MSL2: variants seen among roughly 807,000 people sequenced by gnomAD.
MSL2 encodes E3 ubiquitin-protein ligase MSL2.
In MSL2, 2 loss-of-function variants were observed where a neutral mutation model predicts 35.8. The observed-to-expected ratio is 0.06, with a 90% CI of 0.02 to 0.18. The LOEUF is 0.18. Among genes scored for constraint, MSL2 ranks in the 10% least tolerant of loss-of-function variants. The pLI, the probability that MSL2 is intolerant of heterozygous loss-of-function variation, is 1.00. For synonymous variants in MSL2, 296 were observed against 255.7 expected, an observed-to-expected ratio of 1.16 and a Z score of -1.50; for missense variants, 523 against 706.7, an observed-to-expected ratio of 0.74 and a Z score of 2.95.
rs536479389 is a variant in MSL2, at chr3:136,195,648, G to C, written c.-535C>G. On this transcript the variant is annotated 5_prime_UTR_variant, in exon 1 of 2. Transcript: ENST00000309993. ...GACGACGGTCGGGCAGCGGCTTCCC[G>C]GATCTAGTGCAAGACGCCGCGGCGG... 2.4e-4 allele frequency: 236 copies of C among 980,426 alleles called. 2 individuals are homozygous for C. The African/African-American group carries it at 3.7e-3, about 15-fold the overall frequency. The allele number at this position is 980,426 out of a possible 1,614,324, so 60.7% of individuals were successfully genotyped here. A position where few individuals can be genotyped will look rare whatever the true frequency, so the allele number is the denominator to read the frequency against.
rs1368989392 is a variant in MSL2, at chr3:136,151,682, G to T, written c.1199C>A (p.Thr400Asn). 6.2e-7 allele frequency: 1 copy of T among 1,614,150 alleles called. No individual in the cohort carries two copies. Among genetic ancestry groups the T allele is most frequent in the Non-Finnish European group, 8.5e-7 (1 of 1,180,032 alleles). Residue 400 changes from threonine (T) to asparagine (N), a missense_variant, in exon 2 of 2, where the codon ACT becomes AAT. Thr to Asn is a moderately conservative substitution (Grantham distance 65). Transcript: ENST00000309993. This position sits in a 1 kb window ranked among gnomAD's most constrained non-coding sequence, Gnocchi z 5.2. ...CATGCTTTTAGTAGATAAAAGTACA[G>T]TTTTGCTGATTTTAGGTGTTGTGCC... ...NGGTTPKISKTVLLSTKSMKK... is the reference protein window; with the variant it reads ...NGGTTPKISKNVLLSTKSMKK...
intron 1 of MSL2, among the ~76,000 whole-genome samples, chr3:136,192,624 G>A (rs986684584): frequency 5.4e-4 from 82 of 151,868 alleles, no homozygotes; most frequent in Non-Finnish European, 2.8e-4. Context: ...ATGTTTGAAA[G>A]GACAAAAATA....
chr3:136,193,762 G>C (rs922267783), intron 1 of MSL2, among the ~76,000 whole-genome samples: 1 of 152,024 alleles, frequency 6.6e-6, no homozygotes, highest in African/African-American at 2.4e-5. Flanking sequence ...GATTTGCCCT[G>C]GGCGACTATT....
At chr3:136,190,530 A>C (rs1026261661) in intron 1 of MSL2, among the ~76,000 whole-genome samples, 9 of 150,590 alleles carry the variant, frequency 6.0e-5, no homozygotes, top group African/African-American at 2.2e-4. Flanking sequence ...GGGTGACAAA[A>C]CAAGATTGTC....
At chr3:136,183,475 T>A (rs1940425774) in intron 1 of MSL2, among the ~76,000 whole-genome samples, 1 of 151,934 alleles carries the variant, frequency 6.6e-6, no homozygotes, top group Admixed American at 6.6e-5. Context: ...CAGGCTGGAG[T>A]GCAGTGGCAC....
At chr3:136,173,983 ATTC>A (rs1940099973) in intron 1 of MSL2, among the ~76,000 whole-genome samples, 1 of 152,140 alleles carries the variant, frequency 6.6e-6, no homozygotes, top group Non-Finnish European at 1.5e-5. Context: ...TGCATGGTCA[ATTC>A]TTCTTCAAAA....
intron 1 of MSL2, among the ~76,000 whole-genome samples, chr3:136,189,023 G>A (rs760532410): frequency 7.5e-6 from 1 of 133,830 alleles, no homozygotes; most frequent in Non-Finnish European, 1.5e-5. Context: ...AAATATTTTA[G>A]AACTTTTATA....
rs772429156 is a variant in MSL2 at position 136,164,793 on chromosome 3, G to A, written c.143-12055C>T. Among the ~76,000 whole-genome samples, 13 of 152,238 alleles carry A rather than the reference G, an allele frequency of 8.5e-5. No homozygotes were observed. The South Asian group carries it at 2.1e-3, about 24-fold the overall frequency. On this transcript the variant is annotated intron_variant, in intron 1 of 1. Transcript: ENST00000309993. Reference sequence around the variant, plus strand: ...CCTATAAAAACTGTGGAGTGTTTAAGGAAAGGTTTGATTTAGCATAGATCG... The same window carrying A: ...CCTATAAAAACTGTGGAGTGTTTAAAGAAAGGTTTGATTTAGCATAGATCG...
At chr3:136,183,952 T>C (rs957916047) in intron 1 of MSL2, among the ~76,000 whole-genome samples, 1 of 152,232 alleles carries the variant, frequency 6.6e-6, no homozygotes, top group Non-Finnish European at 1.5e-5. Flanking sequence ...TCCTGACTCT[T>C]ATCCAGGTAA....
Position 136,150,600 on chromosome 3 carries a change from T to A in MSL2, c.*547A>T, listed in dbSNP as rs1939331848. On this transcript the variant is annotated 3_prime_UTR_variant, in exon 2 of 2. Transcript: ENST00000309993. ...AATTTTTTTTCATAATACTGCTGATTTAAGAACTGCTACATACACCAGTAG... is the reference window on the plus strand; with the variant it reads ...AATTTTTTTTCATAATACTGCTGATATAAGAACTGCTACATACACCAGTAG... 1.3e-5 allele frequency: 2 copies of A among 152,810 alleles called. No homozygotes were observed. The allele number at this position is 152,810 out of a possible 1,614,324, so 9.5% of individuals were successfully genotyped here.
At chr3:136,169,429 T>C (rs1232972208) in intron 1 of MSL2, among the ~76,000 whole-genome samples, 8 of 152,072 alleles carry the variant, frequency 5.3e-5, no homozygotes, top group East Asian at 1.9e-4. Flanking sequence ...ACTCCTATTA[T>C]TGGTTTTGGT....
At chr3:136,170,591 T>C (rs1939999031) in intron 1 of MSL2, among the ~76,000 whole-genome samples, 1 of 141,082 alleles carries the variant, frequency 7.1e-6, no homozygotes, top group African/African-American at 2.6e-5. Context: ...CTCGGCTCAC[T>C]GCTGCCTCCT....
At chr3:136,156,844 G>A (rs1939542268) in intron 1 of MSL2, among the ~76,000 whole-genome samples, 1 of 152,148 alleles carries the variant, frequency 6.6e-6, no homozygotes, top group African/African-American at 2.4e-5. Context: ...GACAGAGCCA[G>A]ACTCCATCTC....
intron 1 of MSL2, among the ~76,000 whole-genome samples, chr3:136,167,676 G>A (rs1240695936): frequency 6.6e-6 from 1 of 152,098 alleles, no homozygotes; most frequent in Non-Finnish European, 1.5e-5. Flanking sequence ...ACACATGCAG[G>A]TGATTTATAA....
At chr3:136,180,849 G>A (rs1435676644) in intron 1 of MSL2, among the ~76,000 whole-genome samples, 1 of 148,234 alleles carries the variant, frequency 6.7e-6, no homozygotes, top group Admixed American at 6.8e-5. Context: ...AAGGAAGGAA[G>A]GAAAAAGGAG....
intron 1 of MSL2, chr3:136,194,690 C>T: frequency 2.7e-6 from 1 of 370,874 alleles, no homozygotes; most frequent in Non-Finnish European, 4.7e-6. Context: ...CTTGTGCATG[C>T]ATCTTACCCC....
chr3:136,178,899 C>T (rs1244620384), intron 1 of MSL2, among the ~76,000 whole-genome samples: 4 of 151,402 alleles, frequency 2.6e-5, no homozygotes, highest in Non-Finnish European at 2.9e-5. Flanking sequence ...TACCATCAAA[C>T]GGTTATTACC....
At chr3:136,188,283 A>C (rs966875506) in intron 1 of MSL2, among the ~76,000 whole-genome samples, 5 of 147,660 alleles carry the variant, frequency 3.4e-5, no homozygotes, top group African/African-American at 1.3e-4. Flanking sequence ...AAAATACACT[A>C]ATTAGCTAGG....
intron 1 of MSL2, among the ~76,000 whole-genome samples, chr3:136,167,931 T>G (rs899937352): frequency 1.3e-5 from 2 of 151,950 alleles, no homozygotes; most frequent in African/African-American, 4.8e-5. Flanking sequence ...CAGGAAACAG[T>G]TTTCCGCTTT....
Sources: allele counts gnomAD v4.1 joint callset (sites outside exome capture counted in the v4.1 genomes callset), GRCh38; gene constraint gnomAD v4.1.1; non-coding constraint Gnocchi (gnomAD v3.1); transcripts MANE v1.5; gene names NCBI Gene and HGNC (gene_info 2026-07-23, HGNC 2026-07-21).